The following CELF6 variants were observed in gnomAD, a reference collection of about 807,000 sequenced individuals.
CELF6 encodes the protein CUGBP Elav-like family member 6.
CELF6 carries 32 observed loss-of-function variants against 53.1 expected under a neutral mutation model. That is an observed-to-expected ratio of 0.60 (90% CI 0.46 to 0.81). CELF6 has a LOEUF of 0.81. CELF6 is among the 30% of genes least tolerant of loss of function. CELF6 has a pLI of 0.00. For synonymous variants in CELF6, 291 were observed against 288.8 expected (o/e 1.01, Z -0.08); for missense variants, 539 against 669.5 (o/e 0.81, Z 2.15).
At position 72,289,038 on chromosome 15, in the gene CELF6, G is replaced by A. The variant is rs1374632932; in HGVS notation, c.1030+100C>T. On this transcript the variant is annotated intron_variant, in intron 8 of 12. Transcript: ENST00000287202. This position sits in a 1 kb window ranked among gnomAD's most constrained non-coding sequence, Gnocchi z 7.6. ...GGACGGCGGCTGTGAGAGACAGCAG[G>A]GAAGGAGGGGGATCTCTTCCCAGGG... 8.0e-6 allele frequency: 10 copies of A among 1,254,054 alleles called. No individual in the cohort carries two copies. Among genetic ancestry groups the A allele is most frequent in the Non-Finnish European group, 1.1e-5 (10 of 905,702 alleles). The allele number at this position is 1,254,054 out of a possible 1,614,324, so 77.7% of individuals were successfully genotyped here.
chr15:72,319,559 G>A lies in CELF6; in HGVS notation c.262+54C>T. The A allele has an allele frequency of 2.8e-5, 42 of 1,484,564 alleles. No homozygotes were observed. The highest frequency in any genetic ancestry group is 3.6e-5 in the Non-Finnish European group (40 of 1,109,726). 92.0% of individuals were successfully genotyped at this position (1,484,564 alleles called of 1,614,324 possible). ...CTAGGGCTGGGGCTGGGCTGGGGTC[G>A]GGCCACACTCTAATCGGATTGGGGC... On this transcript the variant is annotated intron_variant, in intron 1 of 12. Coordinates refer to ENST00000287202, the MANE Select transcript of CELF6 (RefSeq NM_052840.5). The surrounding 1 kb of genome is among the most constrained non-coding windows in gnomAD (Gnocchi z 5.0).
Position 72,293,564 on chromosome 15 carries a change from C to T in CELF6, c.395-3309G>A, listed in dbSNP as rs1006370972. 2.0e-5 allele frequency among the ~76,000 whole-genome samples: 3 copies of T among 152,174 alleles called. No homozygotes were observed. In the East Asian group the frequency reaches 5.8e-4, roughly 29 times the overall value. The stretch of plus-strand genomic sequence containing the variant: ...TATCAAACATGGACGCTCAACCTTC[C>T]TGGAGTGGAAAGTATTAGAAGGCAG... On this transcript the variant is annotated intron_variant, in intron 3 of 12. Coordinates refer to ENST00000287202, the MANE Select transcript of CELF6 (RefSeq NM_052840.5).
chr15:72,313,125 C>T (rs2088319426), intron 2 of CELF6, among the ~76,000 whole-genome samples: 1 of 152,172 alleles, frequency 6.6e-6, no homozygotes, highest in Non-Finnish European at 1.5e-5. Flanking sequence ...ACCTAAGACC[C>T]CTGTCTGCTA....
chr15:72,303,374 T>C (rs1051340646), intron 3 of CELF6, among the ~76,000 whole-genome samples: 1 of 152,162 alleles, frequency 6.6e-6, no homozygotes, highest in East Asian at 1.9e-4. Flanking sequence ...AAGGTGAAGG[T>C]GATAACATTT....
intron 3 of CELF6, among the ~76,000 whole-genome samples, chr15:72,301,019 A>C (rs2088148725): frequency 6.6e-6 from 1 of 151,690 alleles, no homozygotes; most frequent in South Asian, 2.1e-4. Flanking sequence ...GGTCTCATTC[A>C]TTCACCTAGG....
chr15:72,319,077 G>C lies in CELF6; in HGVS notation c.262+536C>G, dbSNP rs1457118925. 1.3e-5 allele frequency among the ~76,000 whole-genome samples: 2 copies of C among 152,072 alleles called. No individual in the cohort carries two copies. The highest frequency in any genetic ancestry group is 2.9e-5 in the Non-Finnish European group (2 of 68,008). ...TGGGTTCTGAAGAAGGGGAGGGTTT[G>C]GGTCTGCGGTGTTTTAGGTTGGCAG... On this transcript the variant is annotated intron_variant, in intron 1 of 12. Transcript: ENST00000287202. This position sits in a 1 kb window ranked among gnomAD's most constrained non-coding sequence, Gnocchi z 5.0.
chr15:72,293,515 G>A (rs1003556204), intron 3 of CELF6, among the ~76,000 whole-genome samples: 4 of 152,150 alleles, frequency 2.6e-5, no homozygotes, highest in Non-Finnish European at 4.4e-5. Flanking sequence ...ATGAGTGGTG[G>A]GTAGTATCCT....
At chr15:72,312,848 G>C (rs1187181890) in intron 2 of CELF6, among the ~76,000 whole-genome samples, 2 of 152,258 alleles carry the variant, frequency 1.3e-5, no homozygotes, top group South Asian at 4.1e-4. Flanking sequence ...CCTCCATGCT[G>C]GTGGGCCTAA....
intron 2 of CELF6, among the ~76,000 whole-genome samples, chr15:72,310,734 C>T (rs2088284409): frequency 6.6e-6 from 1 of 151,882 alleles, no homozygotes; most frequent in Admixed American, 6.6e-5. Context: ...CAGCGATCCT[C>T]CAGTCTCAGC....
At chr15:72,307,651 C>T (rs974447690) in intron 2 of CELF6, among the ~76,000 whole-genome samples, 3 of 152,148 alleles carry the variant, frequency 2.0e-5, no homozygotes, top group Non-Finnish European at 4.4e-5. Flanking sequence ...TGGGATTTAC[C>T]CCCAGATCTG....
intron 2 of CELF6, among the ~76,000 whole-genome samples, chr15:72,308,768 C>T (rs1223908153): frequency 1.3e-5 from 2 of 151,874 alleles, no homozygotes; most frequent in Non-Finnish European, 1.5e-5. Flanking sequence ...TGCAGTGGCG[C>T]GATCTCAGCT....
At chr15:72,291,140 C>G (rs1228750795) in intron 3 of CELF6, among the ~76,000 whole-genome samples, 1 of 152,170 alleles carries the variant, frequency 6.6e-6, no homozygotes, top group Non-Finnish European at 1.5e-5. Flanking sequence ...GAGAACCAGT[C>G]TGATTCCTCC....
chr15:72,298,049 C>G (rs978658079), intron 3 of CELF6, among the ~76,000 whole-genome samples: 2 of 152,134 alleles, frequency 1.3e-5, no homozygotes, highest in African/African-American at 4.8e-5. Flanking sequence ...ATCTAAGGAC[C>G]AATAACAGGT....
At chr15:72,313,858 T>G in intron 2 of CELF6, 1 of 420,018 alleles carries the variant, frequency 2.4e-6, no homozygotes, top group Non-Finnish European at 3.2e-6. Context: ...AGCTAACTCA[T>G]ATCGAGTGCT....
In CELF6 at chr15:72,288,822, C is replaced by CT. The variant is rs1326952322; in HGVS notation, c.1093+45dup. 12 of 1,513,536 alleles carry CT rather than the reference C, an allele frequency of 7.9e-6. No homozygotes were observed. Among genetic ancestry groups the CT allele is most frequent in the Admixed American group, 2.0e-5 (1 of 50,972 alleles). The allele number at this position is 1,513,536 out of a possible 1,614,324, so 93.8% of individuals were successfully genotyped here. A position where few individuals can be genotyped will look rare whatever the true frequency, so the allele number is the denominator to read the frequency against. On this transcript the variant is annotated intron_variant, in intron 9 of 12. Coordinates refer to ENST00000287202, the MANE Select transcript of CELF6 (RefSeq NM_052840.5). The surrounding 1 kb of genome is among the most constrained non-coding windows in gnomAD (Gnocchi z 4.6). ...CCCCCACAACTCTCCCTATTTCTTT[C>CT]TAGGGCCCTTCAACCTCCCCCAGGC... is the stretch of plus-strand genomic sequence containing the variant.
At chr15:72,291,744 G>A (rs115582725) in intron 3 of CELF6, among the ~76,000 whole-genome samples, 2,652 of 152,274 alleles carry the variant, frequency 0.017, 72 homozygotes, top group African/African-American at 0.061. Flanking sequence ...TCTGTCTGAC[G>A]ATGCTATGTC....
chr15:72,315,965 A>G (rs765809139), intron 1 of CELF6, 38 bp from the exon 2 acceptor site: 1 of 1,383,820 alleles, frequency 7.2e-7, no homozygotes, highest in South Asian at 1.2e-5. Flanking sequence ...GTTTCCTGAA[A>G]CCCCCAACTA....
intron 1 of CELF6, among the ~76,000 whole-genome samples, chr15:72,316,628 CCAGCATATATGGGT>C (rs1481584500): frequency 1.3e-5 from 2 of 152,056 alleles, no homozygotes; most frequent in African/African-American, 4.8e-5. Flanking sequence ...TCTAAAAGGG[CCAGCATATATGGGT>C]CAGCGAAGAG....
At chr15:72,307,996 A>T (rs2088251806) in intron 2 of CELF6, among the ~76,000 whole-genome samples, 1 of 152,160 alleles carries the variant, frequency 6.6e-6, no homozygotes, top group Middle Eastern at 3.2e-3. Flanking sequence ...CTGAAGGAGC[A>T]AAGTTTCTAG....
Sources: allele counts gnomAD v4.1 joint callset (sites outside exome capture counted in the v4.1 genomes callset), GRCh38; gene constraint gnomAD v4.1.1; non-coding constraint Gnocchi (gnomAD v3.1); transcripts MANE v1.5; gene names NCBI Gene and HGNC (gene_info 2026-07-23, HGNC 2026-07-21).